CCDC146: variants seen among roughly 807,000 people sequenced by gnomAD.
CCDC146 encodes the protein coiled-coil domain containing 146.
In CCDC146, 92 loss-of-function variants were observed where a neutral mutation model predicts 119.3. That is an observed-to-expected ratio of 0.77 (90% CI 0.65 to 0.92). CCDC146 has a LOEUF of 0.92. Among genes scored for constraint, CCDC146 ranks in the 40% least tolerant of loss-of-function variants. The pLI, the probability that CCDC146 is intolerant of heterozygous loss-of-function variation, is 0.00. For synonymous variants in CCDC146, 372 were observed against 371.8 expected, an observed-to-expected ratio of 1.00 and a Z score of -0.01; for missense variants, 1,000 against 1,103.0, an observed-to-expected ratio of 0.91 and a Z score of 1.32.
chr7:77,204,644 G>T (rs546484033), intron 2 of CCDC146, among the ~76,000 whole-genome samples: 1 of 152,264 alleles, frequency 6.6e-6, no homozygotes, highest in East Asian at 1.9e-4. Context: ...TTCTCAGATT[G>T]AAACTTTATG....
At chr7:77,286,396 A>T (rs1326799429) in intron 15 of CCDC146, among the ~76,000 whole-genome samples, 1 of 152,128 alleles carries the variant, frequency 6.6e-6, no homozygotes, top group Non-Finnish European at 1.5e-5. Flanking sequence ...CCCACCACCA[A>T]CGTTGGGGAT....
At chr7:77,265,469 T>A (rs1793382612) in intron 9 of CCDC146, among the ~76,000 whole-genome samples, 1 of 152,186 alleles carries the variant, frequency 6.6e-6, no homozygotes, top group South Asian at 2.1e-4. Context: ...GTAACCTAAA[T>A]AGAAGCAATA....
chr7:77,221,369 A>G (rs192623493), intron 2 of CCDC146, among the ~76,000 whole-genome samples: 65 of 152,376 alleles, frequency 4.3e-4, no homozygotes, highest in African/African-American at 1.5e-3. Flanking sequence ...TGTATTCTAC[A>G]TACAGTCAAC....
chr7:77,247,175 A>G (rs902357034), intron 4 of CCDC146, among the ~76,000 whole-genome samples: 1 of 152,208 alleles, frequency 6.6e-6, no homozygotes, highest in Admixed American at 6.5e-5. Context: ...TTCCTTTTAG[A>G]GGAAATAAGT....
intron 6 of CCDC146, among the ~76,000 whole-genome samples, chr7:77,258,744 C>T (rs1229421249): frequency 2.0e-5 from 3 of 152,146 alleles, no homozygotes; most frequent in East Asian, 1.9e-4. Flanking sequence ...AGCATCTGTA[C>T]CTCCATAAAG....
intron 2 of CCDC146, among the ~76,000 whole-genome samples, chr7:77,178,038 A>G (rs181445636): frequency 7.9e-4 from 120 of 152,368 alleles, no homozygotes; most frequent in African/African-American, 2.7e-3. Context: ...AAATCCATTT[A>G]CAAAGATTGA....
At chr7:77,189,381 C>T (rs1791723979) in intron 2 of CCDC146, among the ~76,000 whole-genome samples, 2 of 152,162 alleles carry the variant, frequency 1.3e-5, no homozygotes, top group South Asian at 4.1e-4. Flanking sequence ...AGATGTATCT[C>T]ACTGCAACTT....
chr7:77,144,317 C>A (rs914234136), intron 1 of CCDC146, among the ~76,000 whole-genome samples: 1 of 151,722 alleles, frequency 6.6e-6, no homozygotes, highest in Non-Finnish European at 1.5e-5. Flanking sequence ...AGATTTTGGG[C>A]TGAGATGATG....
chr7:77,259,122 C>A, intron 7 of CCDC146, 54 bp downstream of exon 7: 1 of 1,036,990 alleles, frequency 9.6e-7, no homozygotes. Context: ...TATGTGTGCA[C>A]ACTAGAACAA....
intron 2 of CCDC146, among the ~76,000 whole-genome samples, chr7:77,232,700 T>G (rs1446799734): frequency 6.6e-6 from 1 of 152,064 alleles, no homozygotes; most frequent in Non-Finnish European, 1.5e-5. Flanking sequence ...CTGCCCAGGG[T>G]CTCCCTGTAG....
intron 2 of CCDC146, among the ~76,000 whole-genome samples, chr7:77,181,910 T>C (rs1791595506): frequency 6.6e-6 from 1 of 152,220 alleles, no homozygotes; most frequent in Admixed American, 6.5e-5. Flanking sequence ...CCTAGTACTT[T>C]GATGGTTTGC....
At chr7:77,157,541 C>T (rs1791196031) in intron 1 of CCDC146, among the ~76,000 whole-genome samples, 3 of 152,172 alleles carry the variant, frequency 2.0e-5, no homozygotes, top group Admixed American at 2.0e-4. Flanking sequence ...ATGTGTATTA[C>T]AAAACAAGGG....
chr7:77,275,880 A>G (rs1793624676), intron 11 of CCDC146, among the ~76,000 whole-genome samples: 1 of 152,148 alleles, frequency 6.6e-6, no homozygotes, highest in Non-Finnish European at 1.5e-5. Flanking sequence ...TCCCTGTTAA[A>G]AATAAACAGG....
intron 11 of CCDC146, among the ~76,000 whole-genome samples, chr7:77,276,940 T>C (rs914840236): frequency 3.1e-4 from 47 of 152,214 alleles, no homozygotes; most frequent in Middle Eastern, 3.4e-3. Flanking sequence ...GGCGTGGTGG[T>C]GGGCACCTGT....
chr7:77,225,759 A>G (rs1792498442), intron 2 of CCDC146, among the ~76,000 whole-genome samples: 1 of 152,110 alleles, frequency 6.6e-6, no homozygotes, highest in Non-Finnish European at 1.5e-5. Context: ...CCTGGTCAGC[A>G]TGGTGAAACC....
intron 2 of CCDC146, among the ~76,000 whole-genome samples, chr7:77,190,547 G>A (rs557656120): frequency 2.4e-4 from 37 of 152,184 alleles, no homozygotes; most frequent in Non-Finnish European, 4.0e-4. Context: ...GAAAGCAACA[G>A]TGCCCTCCAG....
intron 18 of CCDC146, 32 bp downstream of exon 18, chr7:77,293,232 A>C: frequency 1.2e-6 from 2 of 1,604,456 alleles, no homozygotes; most frequent in Non-Finnish European, 8.5e-7. Flanking sequence ...GCATTTCTAA[A>C]GGGTGCCAGC....
At chr7:77,243,105 T>C (rs1049117668) in intron 4 of CCDC146, among the ~76,000 whole-genome samples, 5 of 152,346 alleles carry the variant, frequency 3.3e-5, no homozygotes, top group South Asian at 2.1e-4. Flanking sequence ...TTCATTAGCA[T>C]TGAAAATATG....
At chr7:77,245,935 A>G (rs1383715155) in intron 4 of CCDC146, among the ~76,000 whole-genome samples, 1 of 152,204 alleles carries the variant, frequency 6.6e-6, no homozygotes, top group Non-Finnish European at 1.5e-5. Context: ...CTTAGTTAGA[A>G]CAGGTTTCTC....
Sources: allele counts gnomAD v4.1 joint callset (sites outside exome capture counted in the v4.1 genomes callset), GRCh38; gene constraint gnomAD v4.1.1; transcripts MANE v1.5; gene names NCBI Gene and HGNC (gene_info 2026-07-23, HGNC 2026-07-21).